Variants in CAND2 observed in about 807,000 individuals in gnomAD.
The protein encoded by CAND2 is cullin-associated NEDD8-dissociated protein 2.
In CAND2, 62 loss-of-function variants were observed where a neutral mutation model predicts 98.9. That is an observed-to-expected ratio of 0.63 (90% CI 0.51 to 0.77). The LOEUF is 0.77. CAND2 is among the 30% of genes least tolerant of loss of function. The pLI, the probability that CAND2 is intolerant of heterozygous loss-of-function variation, is 0.00. For missense variants in CAND2, 1,501 were observed against 1,655.2 expected, an observed-to-expected ratio of 0.91 and a Z score of 1.62; for synonymous variants, 770 against 731.9, an observed-to-expected ratio of 1.05 and a Z score of -0.84.
rs748253942 is a variant in CAND2 at position 12,817,613 on chromosome 3, C to T, written c.2681C>T (p.Pro894Leu). ...GGCCGTGTGGGTGCTGGCAGCCTGC[C>T]CGACTTCCTGCCCTTCCTGCTGGAG... ...ALGRVGAGSL[P>L]DFLPFLLEQI... The change falls in exon 10 of 15, where the codon CCC becomes CTC. Residue 894 changes from proline (P) to leucine (L), a missense_variant. Coordinates refer to ENST00000456430, the MANE Select transcript of CAND2 (RefSeq NM_001162499.2). 1.2e-6 allele frequency: 2 copies of T among 1,613,744 alleles called. No individual in the cohort carries two copies. Among genetic ancestry groups the T allele is most frequent in the Non-Finnish European group, 1.7e-6 (2 of 1,179,988 alleles).
rs2062509173 is a variant in CAND2 at position 12,817,091 on chromosome 3, C to T, written c.2159C>T (p.Thr720Ile). The T allele has an allele frequency of 1.2e-6, 2 of 1,612,992 alleles. No individual in the cohort carries two copies. The highest frequency in any genetic ancestry group is 1.7e-6 in the Non-Finnish European group (2 of 1,179,994). ...CAGCTGGCTGTGGACTTCCTTGCCA[C>T]AGTGACCCAGGCCCAGCCAGCCTCT... ...VAQLAVDFLA[T>I]VTQAQPASLV... The change falls in exon 10 of 15, where the codon ACA becomes ATA. Residue 720 changes from threonine to isoleucine, a missense_variant. Thr to Ile is a moderately conservative substitution (Grantham distance 89, BLOSUM62 -1). Coordinates refer to ENST00000456430, the MANE Select transcript of CAND2 (RefSeq NM_001162499.2).
intron 10 of CAND2, 152 bp from the exon 11 acceptor site, chr3:12,819,934 G>A (rs2124861123): frequency 1.6e-6 from 1 of 625,052 alleles, no homozygotes; most frequent in Non-Finnish European, 2.8e-6. Flanking sequence ...AGGCTGCCAA[G>A]GGAAATGGTA....
At chr3:12,801,170 T>G (rs1040759523) in intron 1 of CAND2, among the ~76,000 whole-genome samples, 5 of 151,736 alleles carry the variant, frequency 3.3e-5, no homozygotes, top group African/African-American at 1.2e-4. Context: ...TCCCAGTAGC[T>G]AGGATTACAG....
intron 7 of CAND2, among the ~76,000 whole-genome samples, chr3:12,814,482 C>G (rs573774486): frequency 6.6e-6 from 1 of 152,264 alleles, no homozygotes; most frequent in Admixed American, 6.5e-5. Context: ...AAAGACTGCA[C>G]GAGCCCTTGA....
chr3:12,824,216 C>T (rs559340205), intron 11 of CAND2, among the ~76,000 whole-genome samples: 5 of 152,288 alleles, frequency 3.3e-5, no homozygotes, highest in Non-Finnish European at 7.4e-5. Context: ...TGCACATGTA[C>T]CCTAGAACTT....
At chr3:12,818,001 A>G (rs6801800) in intron 10 of CAND2, 125 bp downstream of exon 10, 75,255 of 849,772 alleles carry the variant, frequency 0.089, 10,277 homozygotes, top group African/African-American at 0.54. Flanking sequence ...CGGTATCTAT[A>G]CGACAGAGGC....
intron 5 of CAND2, among the ~76,000 whole-genome samples, chr3:12,812,130 A>T (rs1196899645): frequency 1.4e-5 from 2 of 147,494 alleles, no homozygotes; most frequent in African/African-American, 2.5e-5. Flanking sequence ...GCTGGTCTCG[A>T]ACTCCTGACC....
Position 12,831,478 on chromosome 3 carries a change from T to C in CAND2, c.3389T>C (p.Ile1130Thr). Residue 1130 changes from isoleucine to threonine, a missense_variant, in exon 14 of 15, where the codon ATC becomes ACC. Physicochemically the swap from Ile to Thr is moderately conservative, Grantham distance 89. Transcript: ENST00000456430. The stretch of plus-strand genomic sequence containing the variant: ...TCCTCTGGGCAGATGCTGACCTTCA[T>C]CATGGTTGCCCGGCTGGCCACCCTG... ...DHYDIRMLTFIMVARLATLCP... is the reference protein window; with the variant it reads ...DHYDIRMLTFTMVARLATLCP... 1 of 1,614,014 alleles carries C rather than the reference T, an allele frequency of 6.2e-7. No individual in the cohort carries two copies. Among genetic ancestry groups the C allele is most frequent in the Non-Finnish European group, 8.5e-7 (1 of 1,179,938 alleles).
chr3:12,796,919 A>G, intron 1 of CAND2, 131 bp downstream of exon 1: 3 of 762,608 alleles, frequency 3.9e-6, no homozygotes, highest in Non-Finnish European at 4.5e-6. Context: ...CCCTGCATTA[A>G]GCTGCCCCCC....
rs778825402 is a variant in CAND2, at chr3:12,813,402, C to T, written c.1006+14C>T. On this transcript the variant is annotated intron_variant, in intron 7 of 14. Coordinates refer to ENST00000456430, the MANE Select transcript of CAND2 (RefSeq NM_001162499.2). ...TCAGTGAGCAAGGTTGGTGGACAGC[C>T]CATCATTGGGGTTGGAGGGTGGAGG... is the stretch of plus-strand genomic sequence containing the variant. The T allele has an allele frequency of 8.7e-6, 14 of 1,610,104 alleles. No individual in the cohort carries two copies. The highest frequency in any genetic ancestry group is 1.2e-5 in the Non-Finnish European group (14 of 1,178,002).
At chr3:12,831,613 C>T (rs768452678) in intron 14 of CAND2, 41 bp downstream of exon 14, 9 of 1,368,354 alleles carry the variant, frequency 6.6e-6, no homozygotes, top group Middle Eastern at 1.9e-4. Context: ...CCTGGAGCAC[C>T]TATGGAGTCC....
chr3:12,833,150 A>G (rs1480472393), intron 14 of CAND2, among the ~76,000 whole-genome samples: 1 of 152,220 alleles, frequency 6.6e-6, no homozygotes, highest in Non-Finnish European at 1.5e-5. Flanking sequence ...AGAGCCCAGC[A>G]TAATAAGGAA....
rs2061814646 is a variant in CAND2 at position 12,807,366 on chromosome 3, G to A, written c.273G>A (p.Leu91=). 6.4e-7 allele frequency: 1 copy of A among 1,551,730 alleles called. No individual in the cohort carries two copies. Among genetic ancestry groups the A allele is most frequent in the African/African-American group, 1.4e-5 (1 of 73,144 alleles). The change falls in exon 3 of 15, where the codon CTG becomes CTA. Residue 91 remains leucine (L), a synonymous_variant. Coordinates refer to ENST00000456430, the MANE Select transcript of CAND2 (RefSeq NM_001162499.2). ...AGGTGGAGACCATTGTGGACACCCT[G>A]TGCACCAACATGCGGTCAGACAAGG... ...EYQVETIVDT[L]CTNMRSDKEQ...
At chr3:12,826,664 G>A (rs1219522289) in intron 12 of CAND2, among the ~76,000 whole-genome samples, 2 of 151,726 alleles carry the variant, frequency 1.3e-5, no homozygotes, top group Non-Finnish European at 2.9e-5. Flanking sequence ...CTCCTGCCTC[G>A]GCCTCTCAAA....
intron 13 of CAND2, among the ~76,000 whole-genome samples, chr3:12,830,757 C>CA (rs890964164): frequency 9.9e-5 from 15 of 152,212 alleles, no homozygotes; most frequent in African/African-American, 3.6e-4. Context: ...AGTTCTAGGG[C>CA]ACAGGGTCAT....
At chr3:12,809,986 G>T (rs2061837081) in intron 4 of CAND2, 73 bp from the exon 5 acceptor site, 1 of 1,383,532 alleles carries the variant, frequency 7.2e-7, no homozygotes, top group East Asian at 3.0e-5. Context: ...GGGAGAGAAT[G>T]GGGAGAGGGG....
chr3:12,818,641 TG>T (rs1186517182), intron 10 of CAND2, among the ~76,000 whole-genome samples: 1 of 152,244 alleles, frequency 6.6e-6, no homozygotes, highest in Admixed American at 6.5e-5. Context: ...GCTGGCCAGC[TG>T]GCCCCTTACA....
At chr3:12,828,545 T>C (rs1370964703) in intron 13 of CAND2, among the ~76,000 whole-genome samples, 1 of 152,106 alleles carries the variant, frequency 6.6e-6, no homozygotes, top group East Asian at 1.9e-4. Flanking sequence ...TTTCACCATA[T>C]TGGCCAGGCT....
In CAND2 at chr3:12,817,219, G is replaced by A. The variant is rs772850806; in HGVS notation, c.2287G>A (p.Ala763Thr). Residue 763 changes from alanine (A) to threonine (T), a missense_variant, in exon 10 of 15, where the codon GCC becomes ACC. By Grantham distance (58) the Ala-to-Thr change is moderately conservative. Coordinates refer to ENST00000456430, the MANE Select transcript of CAND2 (RefSeq NM_001162499.2). ...GGCAGCTGCTGAAGGCTTCCTGCAG[G>A]CCCTGGTAGGGACCCGTCCCCCGTG... ...VLAAAEGFLQ[A>T]LVGTRPPCVD... 21 of 1,613,526 alleles carry A rather than the reference G, an allele frequency of 1.3e-5. No homozygotes were observed. The South Asian group carries it at 2.1e-4, about 16-fold the overall frequency.
Sources: allele counts gnomAD v4.1 joint callset (sites outside exome capture counted in the v4.1 genomes callset), GRCh38; gene constraint gnomAD v4.1.1; transcripts MANE v1.5; gene names NCBI Gene and HGNC (gene_info 2026-07-23, HGNC 2026-07-21).